Variants in SCN7A observed in about 807,000 individuals in gnomAD.
The protein encoded by SCN7A is sodium voltage-gated channel alpha subunit 7.
In SCN7A, 138 loss-of-function variants were observed where a neutral mutation model predicts 155.2. The observed-to-expected ratio is 0.89, with a 90% CI of 0.77 to 1.02. The LOEUF (loss-of-function observed/expected upper bound fraction) is 1.02, where lower values mean the gene tolerates loss of function less well. SCN7A is among the 50% of genes least tolerant of loss of function. SCN7A has a pLI of 0.00. For missense variants in SCN7A, 2,058 were observed against 1,986.6 expected, an observed-to-expected ratio of 1.04 and a Z score of -0.68; for synonymous variants, 693 against 649.0, an observed-to-expected ratio of 1.07 and a Z score of -1.03.
At chr2:166,450,505 A>C (rs1034143762) in intron 11 of SCN7A, among the ~76,000 whole-genome samples, 2 of 152,182 alleles carry the variant, frequency 1.3e-5, no homozygotes, top group African/African-American at 4.8e-5. Flanking sequence ...AAAGTAATCT[A>C]AAAGTTCAGG....
intron 21 of SCN7A, 103 bp from the exon 22 acceptor site, chr2:166,413,224 C>T (rs41268679): frequency 0.015 from 9,368 of 633,816 alleles, 117 homozygotes; most frequent in South Asian, 0.039. Flanking sequence ...AGGCTTGCCA[C>T]ACTTCCATAT....
At chr2:166,480,454 T>A (rs1228463543) in intron 2 of SCN7A, among the ~76,000 whole-genome samples, 2 of 104,212 alleles carry the variant, frequency 1.9e-5, no homozygotes, top group East Asian at 5.2e-4. Flanking sequence ...CGAGACTCCG[T>A]CTCAAAAAAA....
intron 1 of SCN7A, among the ~76,000 whole-genome samples, chr2:166,489,991 G>A (rs902232532): frequency 6.6e-6 from 1 of 151,580 alleles, no homozygotes; most frequent in African/African-American, 2.4e-5. Context: ...ACAAGTTGAT[G>A]TTATTTTATA....
Position 166,416,797 on chromosome 2 carries a change from T to G in SCN7A, c.3324A>C (p.Glu1108Asp), listed in dbSNP as rs748031422. ...GCATGGATTCGTTAAACAGAAGGCT[T>G]TCACACCGACTCTTATTCATGACTT... ...SSEVMNKSRC[E>D]SLLFNESMLW... Residue 1108 changes from glutamate to aspartate, a missense_variant, in exon 21 of 26, where the codon GAA (glutamate) becomes GAC (aspartate). Glu to Asp is a conservative substitution (Grantham distance 45). Coordinates refer to ENST00000643258, the MANE Select transcript of SCN7A (RefSeq NM_002976.4). 1 of 1,613,610 alleles carries G rather than the reference T, an allele frequency of 6.2e-7. No individual in the cohort carries two copies. Among genetic ancestry groups the G allele is most frequent in the Non-Finnish European group, 8.5e-7 (1 of 1,179,744 alleles).
chr2:166,485,780 C>T (rs978373547), intron 2 of SCN7A, among the ~76,000 whole-genome samples: 9 of 152,116 alleles, frequency 5.9e-5, no homozygotes, highest in Admixed American at 3.3e-4. Context: ...CAGATGTTCT[C>T]GAAACTTCCA....
chr2:166,432,092 G>A (rs1178792859), intron 16 of SCN7A, among the ~76,000 whole-genome samples: 1 of 151,788 alleles, frequency 6.6e-6, no homozygotes, highest in African/African-American at 2.4e-5. Context: ...CCCCTCCATG[G>A]ACTAAATACC....
At chr2:166,417,259 G>T (rs963983406) in intron 20 of SCN7A, among the ~76,000 whole-genome samples, 1 of 152,216 alleles carries the variant, frequency 6.6e-6, no homozygotes, top group East Asian at 1.9e-4. Context: ...GGATCACCAG[G>T]TCAGGAGATC....
At chr2:166,452,351 T>C (rs1295032918) in intron 11 of SCN7A, among the ~76,000 whole-genome samples, 1 of 150,740 alleles carries the variant, frequency 6.6e-6, no homozygotes, top group Non-Finnish European at 1.5e-5. Flanking sequence ...AGGAAGAATA[T>C]ACTGTATCTG....
Position 166,463,596 on chromosome 2 carries a change from G to A in SCN7A, c.942-1066C>T, listed in dbSNP as rs1049592069. ...TTGTATCCTGAATATCCATGACCATGTGTATCCAAAATATAGCCAAAATGT... is the reference window on the plus strand; with the variant it reads ...TTGTATCCTGAATATCCATGACCATATGTATCCAAAATATAGCCAAAATGT... On this transcript the variant is annotated intron_variant, in intron 9 of 25. Coordinates refer to ENST00000643258, the MANE Select transcript of SCN7A (RefSeq NM_002976.4). Among the ~76,000 whole-genome samples the A allele has an allele frequency of 5.0e-4, 76 of 152,268 alleles. 2 individuals carry two copies. The highest frequency in any genetic ancestry group is 1.8e-3 in the African/African-American group (73 of 41,538).
intron 16 of SCN7A, among the ~76,000 whole-genome samples, chr2:166,430,808 T>C (rs1310409364): frequency 6.6e-6 from 1 of 152,122 alleles, no homozygotes; most frequent in East Asian, 1.9e-4. Flanking sequence ...CAAGACAGTG[T>C]ATCTCTGAAT....
intron 16 of SCN7A, among the ~76,000 whole-genome samples, chr2:166,429,723 A>G (rs1379068330): frequency 1.3e-5 from 2 of 152,062 alleles, no homozygotes; most frequent in African/African-American, 4.8e-5. Context: ...TGTAAAATTC[A>G]GTCCAGATGG....
At chr2:166,462,718 A>C (rs979166905) in intron 9 of SCN7A, among the ~76,000 whole-genome samples, 188 bp from the exon 10 acceptor site, 1 of 152,212 alleles carries the variant, frequency 6.6e-6, no homozygotes, top group Non-Finnish European at 1.5e-5. Flanking sequence ...TGATACAGTG[A>C]ACAGTGTTAA....
intron 1 of SCN7A, among the ~76,000 whole-genome samples, chr2:166,493,099 A>G (rs1193691528): frequency 2.6e-5 from 4 of 152,196 alleles, no homozygotes; most frequent in Non-Finnish European, 5.9e-5. Context: ...GGTGCCCAGG[A>G]TTCTGTTTAT....
Position 166,441,382 on chromosome 2 carries a change from A to C in SCN7A, c.2157+14T>G, listed in dbSNP as rs1461557201. 1.2e-5 allele frequency: 18 copies of C among 1,534,304 alleles called. No individual in the cohort carries two copies. The highest frequency in any genetic ancestry group is 1.6e-5 in the Non-Finnish European group (18 of 1,132,704). On this transcript the variant is annotated intron_variant, in intron 15 of 25. Transcript: ENST00000643258. ...CCAGTTTTCATGGAAAATGTAAAAG[A>C]ATTGACTACTTACCAGTAAATTTCC...
chr2:166,474,813 A>G (rs1702743473), intron 3 of SCN7A, among the ~76,000 whole-genome samples: 1 of 151,726 alleles, frequency 6.6e-6, no homozygotes, highest in South Asian at 2.1e-4. Flanking sequence ...ATTAATTCTT[A>G]ACAATTGTCT....
At chr2:166,488,018 A>G (rs897383412) in intron 1 of SCN7A, among the ~76,000 whole-genome samples, 1 of 152,226 alleles carries the variant, frequency 6.6e-6, no homozygotes, top group Non-Finnish European at 1.5e-5. Flanking sequence ...AATAAGACTA[A>G]GTTAACTTGG....
At chr2:166,468,446 T>G (rs1447097695) in intron 7 of SCN7A, among the ~76,000 whole-genome samples, 1 of 152,044 alleles carries the variant, frequency 6.6e-6, no homozygotes, top group Non-Finnish European at 1.5e-5. Context: ...CATTAAATTT[T>G]TATAATATTG....
Position 166,439,275 on chromosome 2 carries a change from C to G in SCN7A, c.2157+2121G>C, listed in dbSNP as rs533937645. Among the ~76,000 whole-genome samples the G allele has an allele frequency of 4.6e-5, 7 of 151,858 alleles. 1 individual carries two copies. In the South Asian group the frequency reaches 1.5e-3, roughly 31 times the overall value. On this transcript the variant is annotated intron_variant, in intron 15 of 25. Coordinates refer to ENST00000643258, the MANE Select transcript of SCN7A (RefSeq NM_002976.4). ...TCCAGCTGTAAGAGAGAGCTATGAA[C>G]AGTTTAACATAATAAATGCATTCCA...
intron 9 of SCN7A, among the ~76,000 whole-genome samples, chr2:166,464,172 A>G (rs1173039209): frequency 2.0e-5 from 3 of 149,138 alleles, no homozygotes; most frequent in Non-Finnish European, 4.4e-5. Context: ...ATATGTGTGT[A>G]TATATATGTG....
Sources: gnomAD v4.1 joint callset for allele counts (sites outside exome capture counted in the v4.1 genomes callset) on GRCh38, gnomAD v4.1.1 for gene constraint, MANE v1.5 for transcripts, NCBI Gene and HGNC (gene_info 2026-07-23, HGNC 2026-07-21) for gene names.